The following NELL2 variants were observed in gnomAD, a reference collection of about 807,000 sequenced individuals.
NELL2 encodes the protein neural EGFL like 2, also known as protein kinase C-binding protein NELL2.
NELL2 carries 41 observed loss-of-function variants against 109.6 expected under a neutral mutation model. That is an observed-to-expected ratio of 0.37 (90% CI 0.29 to 0.49). The LOEUF (loss-of-function observed/expected upper bound fraction) is 0.49. Among genes scored for constraint, NELL2 ranks in the 20% least tolerant of loss-of-function variants. The probability of loss-of-function intolerance (pLI) is 0.98; values close to 1 mark genes in which losing one functional copy is unlikely to be tolerated. For missense variants in NELL2, 900 were observed against 1,008.3 expected (o/e 0.89, Z 1.45); for synonymous variants, 355 against 344.7 (o/e 1.03, Z -0.33).
At chr12:44,655,473 T>C (rs1270743393) in intron 13 of NELL2, among the ~76,000 whole-genome samples, 1 of 152,240 alleles carries the variant, frequency 6.6e-6, no homozygotes, top group African/African-American at 2.4e-5. Flanking sequence ...TCCCAGAGGC[T>C]TTGAGCCTGT....
chr12:44,648,943 T>TGTGTGTGTGTG (rs1292852759), intron 13 of NELL2, among the ~76,000 whole-genome samples: 163 of 147,638 alleles, frequency 1.1e-3, no homozygotes, highest in South Asian at 1.5e-3. Context: ...TGTGTGTGTG[T>TGTGTGTGTGTG]TTAGTAGAGA....
intron 13 of NELL2, among the ~76,000 whole-genome samples, chr12:44,634,125 A>G (rs1044880884): frequency 6.6e-6 from 1 of 152,136 alleles, no homozygotes; most frequent in Admixed American, 6.6e-5. Flanking sequence ...TTACAAAACC[A>G]AAGACATTAT....
At chr12:44,559,694 T>A (rs1046563858) in intron 15 of NELL2, among the ~76,000 whole-genome samples, 1 of 152,192 alleles carries the variant, frequency 6.6e-6, no homozygotes, top group East Asian at 1.9e-4. Flanking sequence ...CCTTAGAGAC[T>A]TACAAAGAGA....
At chr12:44,696,603 T>C (rs569316251) in intron 12 of NELL2, among the ~76,000 whole-genome samples, 19 of 152,294 alleles carry the variant, frequency 1.2e-4, no homozygotes, top group Non-Finnish European at 1.9e-4. Flanking sequence ...TAAAGCCCAA[T>C]AGAAATCAAT....
At chr12:44,529,551 T>C (rs4639992) in intron 16 of NELL2, among the ~76,000 whole-genome samples, 45,408 of 151,902 alleles carry the variant, frequency 0.3, 11,278 homozygotes, top group African/African-American at 0.69. Flanking sequence ...TAGAAAAGAC[T>C]GACAAGGCCT....
intron 1 of NELL2, among the ~76,000 whole-genome samples, chr12:44,912,711 C>A (rs1356422681): frequency 3.3e-5 from 5 of 152,078 alleles, no homozygotes; most frequent in African/African-American, 9.7e-5. Flanking sequence ...GTCCACGAGC[C>A]TTATAAATTC....
rs1945322294 is a variant in NELL2, at chr12:44,876,314, A to G, written c.-445T>C. On this transcript the variant is annotated 5_prime_UTR_variant, in exon 1 of 20. Coordinates refer to ENST00000429094, the MANE Select transcript of NELL2 (RefSeq NM_001145108.2). Reference sequence around the variant, plus strand: ...CGAACCTGTTGTAAAGGCAGAGACAATGGAGAAAGCTCCGGGAGACGCGCG... The same window carrying G: ...CGAACCTGTTGTAAAGGCAGAGACAGTGGAGAAAGCTCCGGGAGACGCGCG... 1.7e-6 allele frequency: 2 copies of G among 1,152,962 alleles called. No homozygotes were observed. The highest frequency in any genetic ancestry group is 4.6e-5 in the East Asian group (1 of 21,838). The allele number at this position is 1,152,962 out of a possible 1,614,324, so 71.4% of individuals were successfully genotyped here.
At chr12:44,652,284 TA>T (rs1307028399) in intron 13 of NELL2, among the ~76,000 whole-genome samples, 2 of 152,110 alleles carry the variant, frequency 1.3e-5, no homozygotes, top group African/African-American at 4.8e-5. Context: ...CAGAATCTCC[TA>T]AAAAAAGAGC....
At chr12:44,836,768 C>T (rs1280678876) in intron 2 of NELL2, among the ~76,000 whole-genome samples, 1 of 151,990 alleles carries the variant, frequency 6.6e-6, no homozygotes, top group East Asian at 1.9e-4. Context: ...TCTACAATGC[C>T]GAAGTTTAGA....
At chr12:44,787,710 G>C (rs1942231161) in intron 3 of NELL2, among the ~76,000 whole-genome samples, 1 of 151,802 alleles carries the variant, frequency 6.6e-6, no homozygotes, top group Admixed American at 6.6e-5. Flanking sequence ...GAAAAATATA[G>C]CTTTTTCAAC....
Position 44,523,305 on chromosome 12 carries a change from C to G in NELL2, c.1984G>C (p.Val662Leu), listed in dbSNP as rs1348881865. 1 of 1,614,094 alleles carries G rather than the reference C, an allele frequency of 6.2e-7. No individual in the cohort carries two copies. Among genetic ancestry groups the G allele is most frequent in the Admixed American group, 1.7e-5 (1 of 60,014 alleles). ...TTTATACCAACCTGACATGAGCACA[C>G]AGAGCACCTGTCATTTTCCAACACC... Reference protein sequence around the residue: ...IWVLENDRCSVCSCQNGFVMC... With the variant: ...IWVLENDRCSLCSCQNGFVMC... The change falls in exon 17 of 20, where the codon GTG becomes CTG. Residue 662 changes from valine (V) to leucine (L), a missense_variant. Around this residue, in one of 4 missense-constraint regions of NELL2, gnomAD observed 333 missense variants for 432.3 expected, o/e 0.77. Transcript: ENST00000429094.
chr12:44,666,881 C>T (rs1325457570), intron 12 of NELL2, among the ~76,000 whole-genome samples: 1 of 152,158 alleles, frequency 6.6e-6, no homozygotes, highest in East Asian at 1.9e-4. Flanking sequence ...TTCTAACCTA[C>T]CTGCTCTTTC....
At chr12:44,628,677 C>T (rs1400424998) in intron 13 of NELL2, among the ~76,000 whole-genome samples, 1 of 152,162 alleles carries the variant, frequency 6.6e-6, no homozygotes, top group East Asian at 1.9e-4. Context: ...CTATAGCTTT[C>T]CTTCATAGCA....
intron 13 of NELL2, among the ~76,000 whole-genome samples, chr12:44,652,196 C>T (rs1947323943): frequency 6.6e-6 from 1 of 152,004 alleles, no homozygotes; most frequent in African/African-American, 2.4e-5. Context: ...ACAACGATAC[C>T]CCCAATAACC....
intron 15 of NELL2, among the ~76,000 whole-genome samples, chr12:44,586,086 T>C (rs1944484953): frequency 6.6e-6 from 1 of 151,780 alleles, no homozygotes; most frequent in South Asian, 2.1e-4. Flanking sequence ...TTTCAGTCAA[T>C]ACATTTAGTT....
chr12:44,912,033 G>A (rs1034828738), intron 1 of NELL2, among the ~76,000 whole-genome samples: 3 of 151,790 alleles, frequency 2.0e-5, no homozygotes, highest in Admixed American at 6.6e-5. Context: ...CCTGAGGATT[G>A]AGTTGGAGCT....
Position 44,572,811 on chromosome 12 carries a change from T to C in NELL2, c.1663+34358A>G, listed in dbSNP as rs17094807. Among the ~76,000 whole-genome samples, 795 of 152,300 alleles carry C rather than the reference T, an allele frequency of 5.2e-3. 9 individuals are homozygous for C. The highest frequency in any genetic ancestry group is 0.018 in the African/African-American group (746 of 41,560). On this transcript the variant is annotated intron_variant, in intron 15 of 19. Transcript: ENST00000429094. The stretch of plus-strand genomic sequence containing the variant: ...CTAAGTTTCCTCAGCAACTTGCAGA[T>C]ATGTGACATGGCTAAGAAGCCACAC...
chr12:44,777,861 A>T (rs1247421412), intron 5 of NELL2, among the ~76,000 whole-genome samples: 1 of 152,246 alleles, frequency 6.6e-6, no homozygotes, highest in Non-Finnish European at 1.5e-5. Flanking sequence ...ATGAGTTCTT[A>T]TGAGTACAGA....
chr12:44,611,853 C>A (rs1053820768), intron 13 of NELL2, among the ~76,000 whole-genome samples: 2 of 151,970 alleles, frequency 1.3e-5, no homozygotes, highest in African/African-American at 4.8e-5. Flanking sequence ...AGAAAGCAAA[C>A]AAATCTAACA....
Sources: gnomAD v4.1 joint callset for allele counts (sites outside exome capture counted in the v4.1 genomes callset) on GRCh38, gnomAD v4.1.1 for gene constraint, gnomAD v4.1.1 regional missense constraint, MANE v1.5 for transcripts, NCBI Gene and HGNC (gene_info 2026-07-23, HGNC 2026-07-21) for gene names.